The following NHSL2 variants were observed in gnomAD, a reference collection of about 807,000 sequenced individuals.
NHSL2 encodes NHS like 2.
A neutral mutation model predicts 53.4 loss-of-function variants in NHSL2; 27 were observed. The observed-to-expected ratio is 0.51, with a 90% CI of 0.37 to 0.70. The LOEUF is 0.70. Among genes scored for constraint, NHSL2 ranks in the 30% least tolerant of loss-of-function variants. The probability of loss-of-function intolerance (pLI) is 0.00; values close to 1 mark genes in which losing one functional copy is unlikely to be tolerated. For missense variants in NHSL2, 892 were observed against 980.1 expected, an observed-to-expected ratio of 0.91 and a Z score of 1.20; for synonymous variants, 408 against 404.1, an observed-to-expected ratio of 1.01 and a Z score of -0.12.
In NHSL2 at chrX:72,139,440, G is replaced by A. The variant is rs866688551; in HGVS notation, c.1892G>A (p.Ser631Asn). 3.3e-6 allele frequency: 4 copies of A among 1,208,946 alleles called. No individual in the cohort carries two copies. Among genetic ancestry groups the A allele is most frequent in the Non-Finnish European group, 4.5e-6 (4 of 894,749 alleles). ...PAIPNHKDPE[S>N]TQFSHHWYLT... ...ATTCCAAACCACAAAGATCCAGAAA[G>A]TACACAATTCTCCCACCACTGGTAT... Residue 631 changes from serine (S) to asparagine (N), a missense_variant, in exon 6 of 8, where the codon AGT becomes AAT. By Grantham distance (46) the Ser-to-Asn change is conservative. Transcript: ENST00000633930.
At chrX:72,045,276 G>A (rs1311627173) in intron 1 of NHSL2, among the ~76,000 whole-genome samples, 1 of 112,350 alleles carries the variant, frequency 8.9e-6, no homozygotes. Flanking sequence ...TAGCAGTCCT[G>A]GGCATACAAT....
intron 1 of NHSL2, among the ~76,000 whole-genome samples, chrX:71,912,496 G>A (rs1338373037): frequency 8.9e-6 from 1 of 112,145 alleles, no homozygotes; most frequent in Non-Finnish European, 1.9e-5. Flanking sequence ...GAATTGCCTG[G>A]GCCAGCCCCT....
chrX:71,988,556 C>T (rs1304705295), intron 1 of NHSL2, among the ~76,000 whole-genome samples: 2 of 110,897 alleles, frequency 1.8e-5, no homozygotes, highest in African/African-American at 6.6e-5. Flanking sequence ...GGTCTTTAAC[C>T]TTCTCTGTCT....
intron 1 of NHSL2, among the ~76,000 whole-genome samples, chrX:72,052,784 G>A (rs951071643): frequency 9.0e-6 from 1 of 111,694 alleles, no homozygotes; most frequent in Non-Finnish European, 1.9e-5. Context: ...GTAGGTGGGG[G>A]CCTCTCCTGA....
At chrX:72,091,938 C>T (rs1281278707) in intron 1 of NHSL2, among the ~76,000 whole-genome samples, 2 of 111,284 alleles carry the variant, frequency 1.8e-5, no homozygotes, top group East Asian at 5.6e-4. Flanking sequence ...CAGAGGGGGG[C>T]CTCCAGCAAA....
At position 72,132,127 on chromosome X, in the gene NHSL2, G is replaced by T; in HGVS notation, c.329G>T (p.Arg110Met). Residue 110 changes from arginine to methionine, a missense_variant, in exon 2 of 8, where the codon AGG becomes ATG. Arg to Met is a moderately conservative substitution (Grantham distance 91). Coordinates refer to ENST00000633930, the MANE Select transcript of NHSL2 (RefSeq NM_001013627.3). The stretch of plus-strand genomic sequence containing the variant: ...AATGCGACAGCGACTGCCCACTCGA[G>T]GTCGTCATGGCGACAGCCAGTGAAC... ...RENATATAHS[R>M]SSWRQPVNVF... 2 of 1,166,989 alleles carry T rather than the reference G, an allele frequency of 1.7e-6. No homozygotes were observed. The highest frequency in any genetic ancestry group is 3.8e-5 in the South Asian group (2 of 52,647).
Position 72,099,427 on chromosome X carries a change from G to A in NHSL2, c.281-32652G>A, listed in dbSNP as rs373315809. On this transcript the variant is annotated intron_variant, in intron 1 of 7. Coordinates refer to ENST00000633930, the MANE Select transcript of NHSL2 (RefSeq NM_001013627.3). ...GTCACCCAGGCTGGAGTGCAGTGGT[G>A]CATTCTCGGCTCACTGCAACCTCTG... is the stretch of plus-strand genomic sequence containing the variant. Among the ~76,000 whole-genome samples, 14 of 100,423 alleles carry A rather than the reference G, an allele frequency of 1.4e-4. No homozygotes were observed. The East Asian group carries it at 2.6e-3, about 18-fold the overall frequency. The allele number at this position is 100,423 out of a possible 115,157, so 87.2% of individuals were successfully genotyped here.
chrX:71,984,496 C>T (rs777336895), intron 1 of NHSL2, among the ~76,000 whole-genome samples: 1 of 112,047 alleles, frequency 8.9e-6, no homozygotes, highest in Non-Finnish European at 1.9e-5. Flanking sequence ...GAATACTGAT[C>T]CAGATTTTTA....
intron 1 of NHSL2, among the ~76,000 whole-genome samples, chrX:72,083,954 A>G (rs1050983556): frequency 1.8e-5 from 2 of 111,826 alleles, no homozygotes; most frequent in African/African-American, 3.3e-5. Context: ...GCCTTCCAGC[A>G]TGTTGCATCC....
Position 72,024,864 on chromosome X carries a change from T to G in NHSL2, c.281-107215T>G, listed in dbSNP as rs2042177752. ...CTATATTGTAAATTGCATCTCAAGA[T>G]ACAGTAATCAGTTTCCTTTATAATC... is the stretch of plus-strand genomic sequence containing the variant. On this transcript the variant is annotated intron_variant, in intron 1 of 7. Coordinates refer to ENST00000633930, the MANE Select transcript of NHSL2 (RefSeq NM_001013627.3). 4.4e-5 allele frequency among the ~76,000 whole-genome samples: 5 copies of G among 112,527 alleles called. No individual in the cohort carries two copies. The South Asian group carries it at 1.8e-3, about 41-fold the overall frequency.
At chrX:71,983,451 A>T (rs1248795801) in intron 1 of NHSL2, among the ~76,000 whole-genome samples, 2 of 110,132 alleles carry the variant, frequency 1.8e-5, no homozygotes, top group Non-Finnish European at 3.8e-5. Context: ...CAAAAAAAAA[A>T]AAAATTAAAA....
intron 1 of NHSL2, among the ~76,000 whole-genome samples, chrX:72,124,860 T>C (rs1200301195): frequency 8.9e-6 from 1 of 111,881 alleles, no homozygotes; most frequent in African/African-American, 3.3e-5. Context: ...TCGCCATCCT[T>C]GTCACCCTTC....
chrX:71,931,270 G>T (rs951353087), intron 1 of NHSL2, among the ~76,000 whole-genome samples: 1 of 112,044 alleles, frequency 8.9e-6, no homozygotes, highest in Non-Finnish European at 1.9e-5. Flanking sequence ...ATTAATCCCT[G>T]GTCAGGTATA....
chrX:71,961,335 T>G (rs1178151410), intron 1 of NHSL2, among the ~76,000 whole-genome samples: 1 of 111,255 alleles, frequency 9.0e-6, no homozygotes, highest in African/African-American at 3.3e-5. Context: ...TTACTATTTC[T>G]TCCTTAACTA....
chrX:71,990,695 A>G (rs1461193921), intron 1 of NHSL2, among the ~76,000 whole-genome samples: 1 of 111,697 alleles, frequency 9.0e-6, no homozygotes, highest in African/African-American at 3.3e-5. Flanking sequence ...CCTGGCCCCA[A>G]TCCATCTTGT....
At chrX:71,982,916 G>C (rs1001764643) in intron 1 of NHSL2, among the ~76,000 whole-genome samples, 2 of 112,485 alleles carry the variant, frequency 1.8e-5, no homozygotes, top group African/African-American at 6.5e-5. Flanking sequence ...ATTTGAAGCT[G>C]GTTGTCCAGA....
chrX:72,044,183 A>G (rs1386576600), intron 1 of NHSL2, among the ~76,000 whole-genome samples: 1 of 112,030 alleles, frequency 8.9e-6, no homozygotes, highest in African/African-American at 3.2e-5. Flanking sequence ...CAGTGGGCAA[A>G]GCGAGTGCAA....
intron 1 of NHSL2, among the ~76,000 whole-genome samples, chrX:71,973,981 G>C (rs760718582): frequency 1.8e-5 from 2 of 112,097 alleles, no homozygotes; most frequent in South Asian, 7.4e-4. Flanking sequence ...GTGAGGGGCA[G>C]AACTGGAGCA....
intron 1 of NHSL2, among the ~76,000 whole-genome samples, chrX:71,980,555 TGTGGG>T (rs1165264169): frequency 4.9e-3 from 9 of 1,838 alleles, no homozygotes; most frequent in Non-Finnish European, 0.011. Flanking sequence ...TGTGTGTGTG[TGTGGG>T]GTGTGTGGGG....
Sources: gnomAD v4.1 joint callset for allele counts (sites outside exome capture counted in the v4.1 genomes callset) on GRCh38, gnomAD v4.1.1 for gene constraint, MANE v1.5 for transcripts, NCBI Gene and HGNC (gene_info 2026-07-23, HGNC 2026-07-21) for gene names.